Variants in CPAP observed in about 807,000 individuals in gnomAD.
CPAP encodes centrosomal P4.1-associated protein.
chr13:24,889,229 A>T, the CPAP span: 1 of 938,710 alleles, frequency 1.1e-6, no homozygotes, highest in South Asian at 1.3e-5. Context: ...AAAAACATTT[A>T]TTAAGAAATG....
At chr13:24,893,088 A>G in the CPAP span, among the ~76,000 whole-genome samples, 5 of 152,134 alleles carry the variant, frequency 3.3e-5, no homozygotes, top group Admixed American at 3.3e-4. Context: ...AGAAGCCAGG[A>G]GAAAGGAAGG....
chr13:24,884,454 C>A, the CPAP span: 1 of 1,614,078 alleles, frequency 6.2e-7, no homozygotes, highest in Admixed American at 1.7e-5. Flanking sequence ...TTCTTATAAA[C>A]CTTTTCCACC....
At chr13:24,914,538 T>C in the CPAP span, among the ~76,000 whole-genome samples, 1 of 152,296 alleles carries the variant, frequency 6.6e-6, no homozygotes, top group African/African-American at 2.4e-5. Context: ...CTCACCTTCC[T>C]GAGAACATCT....
chr13:24,911,676 G>A, the CPAP span, among the ~76,000 whole-genome samples: 3 of 150,294 alleles, frequency 2.0e-5, no homozygotes, highest in South Asian at 2.1e-4. Flanking sequence ...AGCTAGGACT[G>A]CAGGCATGGA....
the CPAP span, among the ~76,000 whole-genome samples, chr13:24,899,072 G>C: frequency 6.6e-6 from 1 of 152,172 alleles, no homozygotes; most frequent in South Asian, 2.1e-4. Flanking sequence ...CATAAATTAT[G>C]ATAAATGAAC....
chr13:24,884,466 A>G, the CPAP span: 2 of 1,613,894 alleles, frequency 1.2e-6, no homozygotes, highest in East Asian at 2.2e-5. Flanking sequence ...TTTTCCACCT[A>G]AAAAACCAAC....
chr13:24,885,889 A>G, the CPAP span: 1 of 549,332 alleles, frequency 1.8e-6, no homozygotes, highest in Non-Finnish European at 3.2e-6. Context: ...AGAGTTTACA[A>G]TCCTGGGGAA....
At chr13:24,905,011 T>C in the CPAP span, among the ~76,000 whole-genome samples, 2 of 152,144 alleles carry the variant, frequency 1.3e-5, no homozygotes, top group Non-Finnish European at 2.9e-5. Flanking sequence ...GGTAATTATA[T>C]ACAAACTGAC....
the CPAP span, among the ~76,000 whole-genome samples, chr13:24,926,860 C>T: frequency 2.0e-5 from 3 of 152,118 alleles, no homozygotes; most frequent in African/African-American, 4.8e-5. Context: ...GCTGCTAGCC[C>T]ATCTACAAAA....
chr13:24,900,064 A>G, the CPAP span, among the ~76,000 whole-genome samples: 2 of 152,112 alleles, frequency 1.3e-5, no homozygotes, highest in East Asian at 3.9e-4. Flanking sequence ...CATTAAAGAG[A>G]AATAAAGCAA....
the CPAP span, among the ~76,000 whole-genome samples, chr13:24,905,192 C>T: frequency 6.6e-6 from 1 of 152,070 alleles, no homozygotes; most frequent in South Asian, 2.1e-4. Flanking sequence ...CATATAGACC[C>T]ATAAAATAAA....
the CPAP span, chr13:24,910,037 T>A: frequency 1.2e-6 from 2 of 1,613,698 alleles, no homozygotes; most frequent in African/African-American, 2.7e-5. Context: ...TGGTGGTATT[T>A]CCTGGAGACC....
the CPAP span, among the ~76,000 whole-genome samples, chr13:24,917,551 C>CA: frequency 6.6e-6 from 1 of 152,292 alleles, no homozygotes; most frequent in African/African-American, 2.4e-5. Context: ...AACATGTCTG[C>CA]AATCTCATCA....
the CPAP span, chr13:24,905,452 T>G: frequency 2.5e-6 from 4 of 1,614,082 alleles, no homozygotes; most frequent in Non-Finnish European, 3.4e-6. Context: ...TCAGCTCCGA[T>G]GTAGGAGGAC....
chr13:24,900,024 A>G, the CPAP span, among the ~76,000 whole-genome samples: 1 of 151,626 alleles, frequency 6.6e-6, no homozygotes, highest in Non-Finnish European at 1.5e-5. Context: ...GACGATAATA[A>G]AGATAAATAA....
At chr13:24,885,790 G>A in the CPAP span, 23 of 742,984 alleles carry the variant, frequency 3.1e-5, no homozygotes, top group African/African-American at 3.6e-4. Context: ...ATTAGTTAAG[G>A]ATGTCTTAAT....
the CPAP span, chr13:24,905,951 C>T: frequency 2.5e-6 from 4 of 1,614,032 alleles, no homozygotes; most frequent in Non-Finnish European, 3.4e-6. Context: ...ATTTGGAACA[C>T]CTTCATCGTC....
At chr13:24,889,504 T>A in the CPAP span, 1 of 801,502 alleles carries the variant, frequency 1.2e-6, no homozygotes, top group African/African-American at 1.7e-5. Context: ...CTGTGGGTTT[T>A]GTTTATTCAT....
At chr13:24,883,165 A>G in the CPAP span, 6 of 1,609,550 alleles carry the variant, frequency 3.7e-6, no homozygotes, top group Non-Finnish European at 5.1e-6. Flanking sequence ...CTTCATGATC[A>G]CATGAGGATC....
Sources: gnomAD v4.1 joint callset for allele counts (sites outside exome capture counted in the v4.1 genomes callset) on GRCh38, gnomAD v4.1.1 for gene constraint, MANE v1.5 for transcripts, NCBI Gene and HGNC (gene_info 2026-07-23, HGNC 2026-07-21) for gene names.